Variants in RXRA observed in about 807,000 individuals in gnomAD.
RXRA encodes retinoic acid receptor RXR-alpha.
RXRA carries 5 observed loss-of-function variants against 44.5 expected under a neutral mutation model. The ratio of observed to expected loss-of-function variants is 0.11; its 90% CI spans 0.06 to 0.24. The LOEUF (loss-of-function observed/expected upper bound fraction) is 0.24. Ranked by LOEUF, RXRA falls within the 10% of genes least tolerant of loss-of-function variation. The pLI, the probability that RXRA is intolerant of heterozygous loss-of-function variation, is 1.00. For missense variants in RXRA, 412 were observed against 646.5 expected, an observed-to-expected ratio of 0.64 and a Z score of 3.93; for synonymous variants, 291 against 271.4, an observed-to-expected ratio of 1.07 and a Z score of -0.71.
chr9:134,330,779 G>T (rs1203068702), intron 1 of RXRA, among the ~76,000 whole-genome samples: 1 of 152,230 alleles, frequency 6.6e-6, no homozygotes, highest in Admixed American at 6.5e-5. Flanking sequence ...CTCGCTGCCT[G>T]CCTGGTCTGC....
intron 5 of RXRA, among the ~76,000 whole-genome samples, chr9:134,420,171 C>G (rs929511152): frequency 1.3e-5 from 2 of 152,204 alleles, no homozygotes. Flanking sequence ...TTCCCATATC[C>G]CCCCGCCCCT....
chr9:134,394,410 G>C (rs751014082), intron 1 of RXRA, among the ~76,000 whole-genome samples: 26 of 152,086 alleles, frequency 1.7e-4, no homozygotes, highest in Non-Finnish European at 3.1e-4. Flanking sequence ...CTCCATGAAG[G>C]GCCACTGCCT....
chr9:134,371,296 C>T (rs933461079), intron 1 of RXRA, among the ~76,000 whole-genome samples: 8 of 152,166 alleles, frequency 5.3e-5, no homozygotes, highest in Admixed American at 3.3e-4. Flanking sequence ...TGTCCTTTGC[C>T]GTGAGGTCTC....
intron 1 of RXRA, among the ~76,000 whole-genome samples, chr9:134,381,177 G>C (rs1156428310): frequency 6.6e-6 from 1 of 152,202 alleles, no homozygotes; most frequent in Non-Finnish European, 1.5e-5. Flanking sequence ...CCTGGAGAGG[G>C]GGACCCTGGG....
At chr9:134,418,560 G>A (rs1382058734) in intron 5 of RXRA, among the ~76,000 whole-genome samples, 3 of 152,196 alleles carry the variant, frequency 2.0e-5, no homozygotes, top group Non-Finnish European at 4.4e-5. Flanking sequence ...GGGCCTTCGT[G>A]CTTGCAGCTC....
intron 1 of RXRA, among the ~76,000 whole-genome samples, chr9:134,328,170 C>T (rs1312554323): frequency 1.3e-5 from 2 of 152,136 alleles, no homozygotes; most frequent in South Asian, 2.1e-4. Context: ...ACACACACAT[C>T]CACACACACA....
rs535926454 is a variant in RXRA, at chr9:134,389,452, G to A, written c.29-12180G>A. Reference sequence around the variant, plus strand: ...CCGGGCTGGGGGCTTTGGACTTTGGGGGTATAATGGGGAGCCCTGGGACAG... The same window carrying A: ...CCGGGCTGGGGGCTTTGGACTTTGGAGGTATAATGGGGAGCCCTGGGACAG... On this transcript the variant is annotated intron_variant, in intron 1 of 9. Coordinates refer to ENST00000481739, the MANE Select transcript of RXRA (RefSeq NM_002957.6). 1.9e-4 allele frequency among the ~76,000 whole-genome samples: 29 copies of A among 152,024 alleles called. No individual in the cohort carries two copies. In the East Asian group the frequency reaches 5.1e-3, roughly 27 times the overall value.
At chr9:134,403,352 A>G (rs999288840) in intron 2 of RXRA, 14 of 152,428 alleles carry the variant, frequency 9.2e-5, no homozygotes, top group African/African-American at 3.4e-4. Flanking sequence ...GAAAGCAGGC[A>G]GCAGGCCCAA....
At chr9:134,428,095 C>T (rs1831463883) in intron 6 of RXRA, among the ~76,000 whole-genome samples, 1 of 152,182 alleles carries the variant, frequency 6.6e-6, no homozygotes, top group South Asian at 2.1e-4. Context: ...GTTTCTTCCT[C>T]CCCGATGCCT....
At chr9:134,421,403 CCT>C (rs564186425) in intron 5 of RXRA, among the ~76,000 whole-genome samples, 216 of 152,288 alleles carry the variant, frequency 1.4e-3, no homozygotes, top group African/African-American at 4.9e-3. Context: ...CTCCTGCCTC[CCT>C]CTCATAGACC....
At chr9:134,412,532 C>T (rs923834944) in intron 4 of RXRA, among the ~76,000 whole-genome samples, 1 of 152,206 alleles carries the variant, frequency 6.6e-6, no homozygotes, top group Non-Finnish European at 1.5e-5. Context: ...TAGGATACCA[C>T]AGGCTGATAG....
rs960020863 is a variant in RXRA at position 134,365,745 on chromosome 9, G to A, written c.29-35887G>A. On this transcript the variant is annotated intron_variant, in intron 1 of 9. Transcript: ENST00000481739. The surrounding 1 kb of genome is among the most constrained non-coding windows in gnomAD (Gnocchi z 4.0). ...GCCCGGCAGAGTCTCGGTGGGTCTCGGTGGGGCCAGCTGTCGGTGGGTGAG... is the reference window on the plus strand; with the variant it reads ...GCCCGGCAGAGTCTCGGTGGGTCTCAGTGGGGCCAGCTGTCGGTGGGTGAG... 1.3e-5 allele frequency among the ~76,000 whole-genome samples: 2 copies of A among 152,036 alleles called. No homozygotes were observed. The highest frequency in any genetic ancestry group is 2.4e-5 in the African/African-American group (1 of 41,364).
At chr9:134,336,608 C>T (rs1380444667) in intron 1 of RXRA, among the ~76,000 whole-genome samples, 1 of 152,186 alleles carries the variant, frequency 6.6e-6, no homozygotes, top group Non-Finnish European at 1.5e-5. Flanking sequence ...CCCGTGGGGC[C>T]CTCAGACCTC....
rs566580991 is a variant in RXRA at position 134,419,430 on chromosome 9, G to A, written c.780+2103G>A. On this transcript the variant is annotated intron_variant, in intron 5 of 9. Coordinates refer to ENST00000481739, the MANE Select transcript of RXRA (RefSeq NM_002957.6). ...AGGACACGTCTTCCACGGGGAGGGG[G>A]TCTCTCTGTGCCCGCTCACTCCCTG... Among the ~76,000 whole-genome samples the A allele has an allele frequency of 2.6e-5, 4 of 152,318 alleles. No individual in the cohort carries two copies. In the South Asian group the frequency reaches 8.3e-4, roughly 32 times the overall value.
chr9:134,426,831 TC>T lies in RXRA; in HGVS notation c.911-2276del, dbSNP rs1831442058. ...GGGGCCAGTTGTGCCCCAGCCCAGATCTTGTCCTCGGCCCCCTGGGTCCCTG... is the reference window on the plus strand; with the variant it reads ...GGGGCCAGTTGTGCCCCAGCCCAGATTTGTCCTCGGCCCCCTGGGTCCCTG... On this transcript the variant is annotated intron_variant, in intron 6 of 9. Coordinates refer to ENST00000481739, the MANE Select transcript of RXRA (RefSeq NM_002957.6). This position sits in a 1 kb window ranked among gnomAD's most constrained non-coding sequence, Gnocchi z 4.6. 7.1e-6 allele frequency: 7 copies of T among 985,192 alleles called. No individual in the cohort carries two copies. The highest frequency in any genetic ancestry group is 8.4e-6 in the Non-Finnish European group (7 of 829,888). 61.0% of individuals were successfully genotyped at this position (985,192 alleles called of 1,614,324 possible). A position where few individuals can be genotyped will look rare whatever the true frequency, so the allele number is the denominator to read the frequency against.
At chr9:134,327,361 C>T (rs1834933243) in intron 1 of RXRA, among the ~76,000 whole-genome samples, 1 of 152,180 alleles carries the variant, frequency 6.6e-6, no homozygotes, top group African/African-American at 2.4e-5. Flanking sequence ...CCCTCCTCCT[C>T]CTGCCATCCC....
chr9:134,344,022 A>G (rs1034870891), intron 1 of RXRA, among the ~76,000 whole-genome samples: 6 of 152,020 alleles, frequency 3.9e-5, no homozygotes, highest in Non-Finnish European at 7.4e-5. Flanking sequence ...GCCGTGCCCT[A>G]TGTGGCCCTA....
At position 134,433,984 on chromosome 9, in the gene RXRA, C is replaced by A; in HGVS notation, c.1136-118C>A. The A allele has an allele frequency of 1.4e-6, 1 of 695,390 alleles. No homozygotes were observed. Among genetic ancestry groups the A allele is most frequent in the Non-Finnish European group, 2.4e-6 (1 of 408,822 alleles). 43.1% of individuals were successfully genotyped at this position (695,390 alleles called of 1,614,324 possible). A position where few individuals can be genotyped will look rare whatever the true frequency, so the allele number is the denominator to read the frequency against. ...GGCATGTCCAGCGGCATTCCTCCACCACCTGCTCTGCCCATGGTGGGGCAG... is the reference window on the plus strand; with the variant it reads ...GGCATGTCCAGCGGCATTCCTCCACAACCTGCTCTGCCCATGGTGGGGCAG... On this transcript the variant is annotated intron_variant, in intron 8 of 9. Coordinates refer to ENST00000481739, the MANE Select transcript of RXRA (RefSeq NM_002957.6). The surrounding 1 kb of genome is among the most constrained non-coding windows in gnomAD (Gnocchi z 4.2).
rs1831622866 is a variant in RXRA at position 134,436,473 on chromosome 9, T to A, written c.1248T>A (p.Ala416=). The A allele has an allele frequency of 6.2e-7, 1 of 1,614,034 alleles. No individual in the cohort carries two copies. The change falls in exon 10 of 10, where the codon GCT becomes GCA. Residue 416 remains alanine (A), a synonymous_variant. Transcript: ENST00000481739. ...HKYPEQPGRF[A]KLLLRLPALR... The stretch of plus-strand genomic sequence containing the variant: ...CCAGACCTGTTCCCTGCAGGTTCGC[T>A]AAGCTCTTGCTCCGCCTGCCGGCTC...
Sources: allele counts gnomAD v4.1 joint callset (sites outside exome capture counted in the v4.1 genomes callset), GRCh38; gene constraint gnomAD v4.1.1; non-coding constraint Gnocchi (gnomAD v3.1); transcripts MANE v1.5; gene names NCBI Gene and HGNC (gene_info 2026-07-23, HGNC 2026-07-21).